The following ZNF83 variants were observed in gnomAD, a reference collection of about 807,000 sequenced individuals.
ZNF83 encodes the protein zinc finger protein 83, also known as zinc finger protein 816B.
For missense variants in ZNF83, 552 were observed against 629.9 expected (o/e 0.88, Z 1.32); for synonymous variants, 209 against 213.0 (o/e 0.98, Z 0.17).
chr19:52,644,633 A>C (rs1356669331), intron 3 of ZNF83, among the ~76,000 whole-genome samples: 2 of 152,234 alleles, frequency 1.3e-5, no homozygotes, highest in African/African-American at 2.4e-5. Context: ...TATAAAATGC[A>C]GAAGTGTGAA....
At chr19:52,652,383 C>T (rs1252728568) in intron 3 of ZNF83, 7 of 322,820 alleles carry the variant, frequency 2.2e-5, no homozygotes, top group South Asian at 1.3e-4. Flanking sequence ...TGCCGTGAGC[C>T]GAGATCACGC....
chr19:52,615,342 AGGAGGAAG>A (rs1611013), intron 2 of ZNF83, among the ~76,000 whole-genome samples: 103,525 of 151,230 alleles, frequency 0.68, 35,663 homozygotes, highest in African/African-American at 0.77. Context: ...TTAGGCCATG[AGGAGGAAG>A]GGAGGAAGCT....
intron 1 of ZNF83, among the ~76,000 whole-genome samples, chr19:52,687,178 T>C (rs1419178386): frequency 2.4e-5 from 3 of 125,552 alleles, no homozygotes; most frequent in Non-Finnish European, 3.3e-5. Context: ...TAAAACTCCA[T>C]CTCAAAAAAA....
chr19:52,680,079 TGAA>T (rs2061882805), intron 1 of ZNF83, among the ~76,000 whole-genome samples: 1 of 152,038 alleles, frequency 6.6e-6, no homozygotes, highest in African/African-American at 2.4e-5. Context: ...CTTGAGAGGC[TGAA>T]GGAGGAGAAT....
intron 1 of ZNF83, among the ~76,000 whole-genome samples, chr19:52,637,271 T>A (rs1046889337): frequency 6.6e-6 from 1 of 152,122 alleles, no homozygotes; most frequent in Non-Finnish European, 1.5e-5. Context: ...AAATTCCGTC[T>A]TCCCTGTTAT....
upstream of ZNF83, among the ~76,000 whole-genome samples, chr19:52,642,910 A>G (rs550615330): frequency 1.1e-4 from 17 of 151,812 alleles, no homozygotes; most frequent in South Asian, 3.5e-3. Flanking sequence ...TAATACTAGC[A>G]CTCTGGAAGG....
intron 1 of ZNF83, among the ~76,000 whole-genome samples, chr19:52,673,795 A>G (rs1468992230): frequency 6.6e-6 from 1 of 150,868 alleles, no homozygotes; most frequent in Non-Finnish European, 1.5e-5. Context: ...TGGGCCAATC[A>G]CCTCAGGTCA....
chr19:52,655,811 G>T, intron 2 of ZNF83: 1 of 531,554 alleles, frequency 1.9e-6, no homozygotes, highest in South Asian at 2.7e-5. Context: ...CCACATTAAG[G>T]TATTTTTGAA....
intron 2 of ZNF83, among the ~76,000 whole-genome samples, chr19:52,658,683 C>T (rs189116832): frequency 3.9e-5 from 6 of 152,250 alleles, no homozygotes; most frequent in East Asian, 1.9e-4. Context: ...TGAAGGCACC[C>T]GGTTCTTACC....
chr19:52,662,093 T>C (rs1158929523), intron 1 of ZNF83, among the ~76,000 whole-genome samples: 1 of 152,200 alleles, frequency 6.6e-6, no homozygotes, highest in Non-Finnish European at 1.5e-5. Context: ...TTGAAATATT[T>C]TTCTCCCACA....
chr19:52,687,374 TTATAATTTATA>T (rs536403667), intron 1 of ZNF83, among the ~76,000 whole-genome samples: 15 of 19,062 alleles, frequency 7.9e-4, no homozygotes, highest in African/African-American at 4.7e-3. Flanking sequence ...ATAATATAAA[TTATAATTTATA>T]TATATATAAT....
chr19:52,636,732 T>A (rs2061158779), intron 1 of ZNF83: 1 of 152,150 alleles, frequency 6.6e-6, no homozygotes, highest in Admixed American at 6.6e-5. Context: ...CTCGGCTCAC[T>A]GCAGCCTGGA....
chr19:52,678,460 A>AG (rs2061855017), intron 1 of ZNF83, among the ~76,000 whole-genome samples: 1 of 150,890 alleles, frequency 6.6e-6, no homozygotes, highest in African/African-American at 2.4e-5. Context: ...AAAAAAAAAA[A>AG]AAAAGAAAAA....
chr19:52,633,699 T>C (rs938992829), intron 2 of ZNF83, among the ~76,000 whole-genome samples: 4 of 152,080 alleles, frequency 2.6e-5, no homozygotes, highest in African/African-American at 9.7e-5. Flanking sequence ...TCACCTGAGG[T>C]CGGGAGTTTG....
At chr19:52,628,323 C>T (rs1434743023) in intron 2 of ZNF83, among the ~76,000 whole-genome samples, 3 of 152,194 alleles carry the variant, frequency 2.0e-5, no homozygotes, top group Non-Finnish European at 4.4e-5. Context: ...AGAAACATCT[C>T]ACCAATTTCA....
intron 2 of ZNF83, among the ~76,000 whole-genome samples, chr19:52,656,000 C>T (rs1253044323): frequency 1.3e-5 from 2 of 151,966 alleles, no homozygotes; most frequent in Admixed American, 6.6e-5. Context: ...CAACTGAGCT[C>T]AGGAGTTCGA....
rs1192174418 is a variant in ZNF83, at chr19:52,634,958, A to G, written c.-234+108T>C. 4 of 669,926 alleles carry G rather than the reference A, an allele frequency of 6.0e-6. No individual in the cohort carries two copies. In the East Asian group the frequency reaches 1.1e-4, roughly 18 times the overall value. The allele number at this position is 669,926 out of a possible 1,614,324, so 41.5% of individuals were successfully genotyped here. On this transcript the variant is annotated intron_variant, in intron 2 of 2. Transcript: ENST00000301096. ...GGAAGGCATGGGTGAGTGTGAGCAA[A>G]CCTGTCAGGCAGGACACTTCTTGAG...
chr19:52,658,496 C>T (rs1253689174), intron 2 of ZNF83, among the ~76,000 whole-genome samples: 3 of 152,042 alleles, frequency 2.0e-5, no homozygotes, highest in African/African-American at 7.3e-5. Context: ...AATCCAGAGG[C>T]AGAGGCTGGA....
At chr19:52,650,535 G>C (rs1568564037) in intron 3 of ZNF83, 1 of 152,174 alleles carries the variant, frequency 6.6e-6, no homozygotes, top group African/African-American at 2.4e-5. Flanking sequence ...GGGACTACAG[G>C]TGTGAGCCAT....
Sources: allele counts gnomAD v4.1 joint callset (sites outside exome capture counted in the v4.1 genomes callset), GRCh38; gene constraint gnomAD v4.1.1; transcripts MANE v1.5; gene names NCBI Gene and HGNC (gene_info 2026-07-23, HGNC 2026-07-21).